SLFN12L: variants seen among roughly 807,000 people sequenced by gnomAD.
SLFN12L encodes the protein schlafen family member 12-like.
Under a neutral mutation model 34.8 loss-of-function variants are expected in SLFN12L, and 34 were observed. The ratio of observed to expected loss-of-function variants is 0.98; its 90% CI spans 0.74 to 1.30. The LOEUF is 1.30. Ranked by LOEUF, SLFN12L falls within the 50% of genes most tolerant of loss-of-function variation. The pLI, the probability that SLFN12L is intolerant of heterozygous loss-of-function variation, is 0.00. For synonymous variants in SLFN12L, 259 were observed against 247.5 expected, an observed-to-expected ratio of 1.05 and a Z score of -0.44; for missense variants, 703 against 696.2, an observed-to-expected ratio of 1.01 and a Z score of -0.11.
chr17:35,474,757 C>T lies in SLFN12L; in HGVS notation c.*166G>A. On this transcript the variant is annotated 3_prime_UTR_variant, in exon 5 of 5. Coordinates refer to ENST00000628453, the MANE Select transcript of SLFN12L (RefSeq NM_001363830.2). Reference sequence around the variant, plus strand: ...TGGCCAAGACGGTGAAACCCCATCTCTGCTAAAAATACAAAAAAAAAAAAA... The same window carrying T: ...TGGCCAAGACGGTGAAACCCCATCTTTGCTAAAAATACAAAAAAAAAAAAA... The T allele has an allele frequency of 1.8e-6, 1 of 548,872 alleles. No individual in the cohort carries two copies. Among genetic ancestry groups the T allele is most frequent in the Non-Finnish European group, 2.9e-6 (1 of 342,052 alleles). 34.0% of individuals were successfully genotyped at this position (548,872 alleles called of 1,614,324 possible).
intron 2 of SLFN12L, among the ~76,000 whole-genome samples, chr17:35,488,028 G>A (rs1178691073): frequency 1.3e-5 from 2 of 152,176 alleles, no homozygotes; most frequent in Non-Finnish European, 2.9e-5. Context: ...CTAACATGGT[G>A]AAAACCCGTC....
At position 35,475,467 on chromosome 17, in the gene SLFN12L, G is replaced by A; in HGVS notation, c.1295C>T (p.Thr432Ile). ...YHLPGLSEKI[T>I]CAPKTFCRNL... is the part of the protein sequence containing the mutation. ...TCTGCAGAAGGTTTTTGGAGCACAA[G>A]TTATCTTTTCTGATAGCCCTAGATG... The change falls in exon 5 of 5, where the codon ACT becomes ATT. Residue 432 changes from threonine to isoleucine, a missense_variant. By Grantham distance (89) the Thr-to-Ile change is moderately conservative. Transcript: ENST00000628453. The A allele has an allele frequency of 6.2e-7, 1 of 1,608,002 alleles. No individual in the cohort carries two copies. The highest frequency in any genetic ancestry group is 8.5e-7 in the Non-Finnish European group (1 of 1,177,602).
intron 2 of SLFN12L, chr17:35,499,040 T>C (rs1369161369): frequency 2.6e-6 from 2 of 764,900 alleles, no homozygotes; most frequent in South Asian, 2.6e-5. Context: ...AAATCTCCCC[T>C]GATAGCAAGC....
chr17:35,478,284 C>T (rs1166834802), intron 3 of SLFN12L, 99 bp from the exon 4 acceptor site: 2 of 708,266 alleles, frequency 2.8e-6, no homozygotes, highest in African/African-American at 3.7e-5. Flanking sequence ...CTACTTAGAA[C>T]TGATCCTGCA....
chr17:35,512,451 C>T (rs1915682941), intron 2 of SLFN12L, among the ~76,000 whole-genome samples: 1 of 151,326 alleles, frequency 6.6e-6, no homozygotes, highest in African/African-American at 2.4e-5. Context: ...CTGCAAGCTC[C>T]GCCTCCCGGG....
chr17:35,519,637 C>A (rs935259039), intron 2 of SLFN12L, among the ~76,000 whole-genome samples: 1 of 152,104 alleles, frequency 6.6e-6, no homozygotes, highest in East Asian at 1.9e-4. Context: ...CTTATGACAC[C>A]TGAGGGAGGA....
chr17:35,496,055 G>A (rs555324171), intron 2 of SLFN12L, among the ~76,000 whole-genome samples: 32 of 152,004 alleles, frequency 2.1e-4, no homozygotes, highest in African/African-American at 6.0e-4. Context: ...TGGGTGCTCA[G>A]TGAGGTCGTC....
intron 1 of SLFN12L, among the ~76,000 whole-genome samples, chr17:35,524,993 C>A (rs1460327051): frequency 6.6e-5 from 10 of 151,694 alleles, no homozygotes; most frequent in Non-Finnish European, 1.2e-4. Flanking sequence ...ACTAGAATAA[C>A]CAGTTTAGAG....
At chr17:35,532,988 C>G (rs1001876255) in intron 1 of SLFN12L, among the ~76,000 whole-genome samples, 1 of 152,134 alleles carries the variant, frequency 6.6e-6, no homozygotes, top group Non-Finnish European at 1.5e-5. Flanking sequence ...TGGCAGGCTA[C>G]AACATTCAGT....
intron 2 of SLFN12L, among the ~76,000 whole-genome samples, chr17:35,484,930 A>T (rs976984790): frequency 1.3e-5 from 2 of 151,754 alleles, no homozygotes; most frequent in African/African-American, 2.4e-5. Flanking sequence ...GTCTATTCAG[A>T]TTTTCTGTTT....
intron 2 of SLFN12L, among the ~76,000 whole-genome samples, chr17:35,487,474 C>CCT (rs1051741449): frequency 6.6e-6 from 1 of 152,130 alleles, no homozygotes; most frequent in East Asian, 1.9e-4. Context: ...ACGGACCACC[C>CCT]CCCCCGGACC....
At position 35,471,398 on chromosome 17, in the gene SLFN12L, A is replaced by G. The variant is rs1913806338; in HGVS notation, c.*3525T>C. ...GTGATCCACCCGCCTCAGCCTCCCA[A>G]AGTGCTGGGATTACAGGCATGAGCC... On this transcript the variant is annotated 3_prime_UTR_variant, in exon 5 of 5. Transcript: ENST00000628453. Among the ~76,000 whole-genome samples the G allele has an allele frequency of 6.6e-6, 1 of 152,072 alleles. No homozygotes were observed. Among genetic ancestry groups the G allele is most frequent in the African/African-American group, 2.4e-5 (1 of 41,424 alleles).
At chr17:35,501,681 G>T (rs902366616) in intron 2 of SLFN12L, among the ~76,000 whole-genome samples, 1 of 152,168 alleles carries the variant, frequency 6.6e-6, no homozygotes, top group Non-Finnish European at 1.5e-5. Flanking sequence ...TTCAAGAAAA[G>T]ATTTAAGGGA....
intron 2 of SLFN12L, among the ~76,000 whole-genome samples, chr17:35,483,117 C>T (rs1016927955): frequency 1.3e-5 from 2 of 152,174 alleles, no homozygotes; most frequent in Middle Eastern, 3.4e-3. Flanking sequence ...AAGCAACGGT[C>T]CCCAGGGCCT....
intron 1 of SLFN12L, among the ~76,000 whole-genome samples, chr17:35,533,739 G>T (rs1439258071): frequency 6.6e-6 from 1 of 152,160 alleles, no homozygotes; most frequent in African/African-American, 2.4e-5. Flanking sequence ...GTCCAGCTGT[G>T]CATTGTCTGG....
chr17:35,494,883 T>A (rs895049823), intron 2 of SLFN12L, among the ~76,000 whole-genome samples: 52 of 143,782 alleles, frequency 3.6e-4, no homozygotes, highest in African/African-American at 1.2e-3. Flanking sequence ...TTTATTAATT[T>A]ATTTATTTTA....
At position 35,464,494 on chromosome 17, in the gene SLFN12L, C is replaced by G. The variant is rs1462612590; in HGVS notation, c.*10429G>C. ...GTTCATAAGTTCTTTCGTTTAGCTC[C>G]CATTTATCAGTGAGAAGATGCTGGA... is the stretch of plus-strand genomic sequence containing the variant. On this transcript the variant is annotated 3_prime_UTR_variant, in exon 5 of 5. Coordinates refer to ENST00000628453, the MANE Select transcript of SLFN12L (RefSeq NM_001363830.2). 1.4e-5 allele frequency: 2 copies of G among 144,440 alleles called. No individual in the cohort carries two copies. The highest frequency in any genetic ancestry group is 3.0e-5 in the Non-Finnish European group (2 of 66,004). The allele number at this position is 144,440 out of a possible 1,614,324, so 8.9% of individuals were successfully genotyped here.
chr17:35,511,381 T>C (rs1350960251), intron 2 of SLFN12L, among the ~76,000 whole-genome samples: 1 of 152,194 alleles, frequency 6.6e-6, no homozygotes, highest in Non-Finnish European at 1.5e-5. Context: ...AACTTACTCA[T>C]GGGTAAAAGG....
rs765101687 is a variant in SLFN12L at position 35,473,404 on chromosome 17, A to T, written c.*1519T>A. Among the ~76,000 whole-genome samples the T allele has an allele frequency of 1.1e-4, 16 of 152,174 alleles. No individual in the cohort carries two copies. Among genetic ancestry groups the T allele is most frequent in the African/African-American group, 3.9e-4 (16 of 41,446 alleles). On this transcript the variant is annotated 3_prime_UTR_variant, in exon 5 of 5. Transcript: ENST00000628453. ...AGAGTCTTTTTCTGCATCTATTGAGATAATCATATGGTTTTTGTCATTGTT... is the reference window on the plus strand; with the variant it reads ...AGAGTCTTTTTCTGCATCTATTGAGTTAATCATATGGTTTTTGTCATTGTT...
Sources: gnomAD v4.1 joint callset for allele counts (sites outside exome capture counted in the v4.1 genomes callset) on GRCh38, gnomAD v4.1.1 for gene constraint, MANE v1.5 for transcripts, NCBI Gene and HGNC (gene_info 2026-07-23, HGNC 2026-07-21) for gene names.